ZCCHC17: variants seen among roughly 807,000 people sequenced by gnomAD.
ZCCHC17 encodes the protein zinc finger CCHC domain-containing protein 17.
Under a neutral mutation model 30.6 loss-of-function variants are expected in ZCCHC17, and 18 were observed. The ratio of observed to expected loss-of-function variants is 0.59; its 90% confidence interval spans 0.41 to 0.87. The LOEUF is 0.87. Ranked by LOEUF, ZCCHC17 falls within the 40% of genes least tolerant of loss-of-function variation. ZCCHC17 has a pLI of 0.00. For missense variants in ZCCHC17, 263 were observed against 284.2 expected (o/e 0.93, Z 0.54); for synonymous variants, 88 against 92.4 (o/e 0.95, Z 0.27).
intron 7 of ZCCHC17, among the ~76,000 whole-genome samples, chr1:31,351,220 T>A (rs1639458162): frequency 6.6e-6 from 1 of 152,186 alleles, no homozygotes; most frequent in Non-Finnish European, 1.5e-5. Context: ...CCTCTCCTTT[T>A]CCATCCCACA....
chr1:31,350,923 G>A lies in ZCCHC17; in HGVS notation c.564+1949G>A, dbSNP rs116108137. Among the ~76,000 whole-genome samples, 1,116 of 152,210 alleles carry A rather than the reference G, an allele frequency of 7.3e-3. 13 individuals are homozygous for A. The highest frequency in any genetic ancestry group is 0.025 in the African/African-American group (1,041 of 41,554). Reference sequence around the variant, plus strand: ...GGCAAACTTCCGTTTTTTCATTTTCGAAGTGGGATTGTTGTGATCTTTGAT... The same window carrying A: ...GGCAAACTTCCGTTTTTTCATTTTCAAAGTGGGATTGTTGTGATCTTTGAT... On this transcript the variant is annotated intron_variant, in intron 7 of 7. Transcript: ENST00000344147.
At chr1:31,352,500 T>C (rs1419461970) in intron 7 of ZCCHC17, among the ~76,000 whole-genome samples, 1 of 152,242 alleles carries the variant, frequency 6.6e-6, no homozygotes, top group Non-Finnish European at 1.5e-5. Context: ...TATTTATTTT[T>C]TGAAGCAGGG....
At chr1:31,302,344 A>G (rs973232126) in intron 1 of ZCCHC17, among the ~76,000 whole-genome samples, 12 of 152,128 alleles carry the variant, frequency 7.9e-5, no homozygotes, top group African/African-American at 2.9e-4. Flanking sequence ...CTCTTTCTCT[A>G]CCTGTGCTTG....
At chr1:31,299,016 CAT>C (rs1467568955) in intron 1 of ZCCHC17, among the ~76,000 whole-genome samples, 1 of 152,186 alleles carries the variant, frequency 6.6e-6, no homozygotes, top group Admixed American at 6.5e-5. Context: ...GATTGAAAAA[CAT>C]ATTTTGGCTT....
intron 3 of ZCCHC17, 96 bp from the exon 4 acceptor site, chr1:31,337,079 C>A: frequency 8.6e-7 from 1 of 1,159,708 alleles, no homozygotes; most frequent in Non-Finnish European, 1.2e-6. Flanking sequence ...TTTCATTTTT[C>A]CCTTGCATTC....
At chr1:31,326,197 A>G (rs765502425) in intron 3 of ZCCHC17, among the ~76,000 whole-genome samples, 2 of 152,078 alleles carry the variant, frequency 1.3e-5, no homozygotes, top group Non-Finnish European at 2.9e-5. Flanking sequence ...ACAGATTAAC[A>G]ATGGTCACTT....
At chr1:31,302,853 A>G (rs1207846692) in intron 1 of ZCCHC17, among the ~76,000 whole-genome samples, 6 of 152,220 alleles carry the variant, frequency 3.9e-5, no homozygotes, top group Non-Finnish European at 5.9e-5. Context: ...GGAAACTGCC[A>G]TGATCCAGTC....
chr1:31,359,521 A>G (rs1639783945), intron 7 of ZCCHC17, among the ~76,000 whole-genome samples: 2 of 152,140 alleles, frequency 1.3e-5, no homozygotes, highest in Admixed American at 1.3e-4. Flanking sequence ...GCAAGACTCC[A>G]TCCTAAAAAT....
intron 2 of ZCCHC17, among the ~76,000 whole-genome samples, chr1:31,314,601 A>G (rs1006291209): frequency 6.6e-6 from 1 of 152,230 alleles, no homozygotes; most frequent in African/African-American, 2.4e-5. Flanking sequence ...TGGCAAAGCT[A>G]GGATTCTAAA....
intron 3 of ZCCHC17, among the ~76,000 whole-genome samples, chr1:31,319,766 T>G (rs1251361377): frequency 6.6e-6 from 1 of 152,172 alleles, no homozygotes; most frequent in Non-Finnish European, 1.5e-5. Flanking sequence ...ATCCTTCTGA[T>G]TCCTAGCCCC....
chr1:31,318,684 A>G (rs1241946041), intron 2 of ZCCHC17, among the ~76,000 whole-genome samples: 2 of 152,136 alleles, frequency 1.3e-5, no homozygotes, highest in Non-Finnish European at 2.9e-5. Flanking sequence ...AAATTTATTA[A>G]AGTTCTCTGT....
chr1:31,331,660 G>A (rs113110596), intron 3 of ZCCHC17, among the ~76,000 whole-genome samples: 2 of 151,678 alleles, frequency 1.3e-5, no homozygotes, highest in African/African-American at 4.9e-5. Context: ...TTGCCGGGCT[G>A]GAATGCAATG....
At chr1:31,298,425 G>A (rs767878631) in intron 1 of ZCCHC17, among the ~76,000 whole-genome samples, 6 of 147,256 alleles carry the variant, frequency 4.1e-5, no homozygotes, top group Admixed American at 6.8e-5. Context: ...TTGCTCTGTC[G>A]CCCAGGCTGG....
chr1:31,328,737 C>T (rs982701322), intron 3 of ZCCHC17, among the ~76,000 whole-genome samples: 1 of 152,072 alleles, frequency 6.6e-6, no homozygotes, highest in Non-Finnish European at 1.5e-5. Context: ...GTATGCCACC[C>T]TCCCAGCACT....
chr1:31,335,959 G>T (rs1033073847), intron 3 of ZCCHC17, among the ~76,000 whole-genome samples: 1 of 151,998 alleles, frequency 6.6e-6, no homozygotes, highest in African/African-American at 2.4e-5. Flanking sequence ...TACTATGTTT[G>T]CCATGCTGTT....
rs74355404 is a variant in ZCCHC17 at position 31,299,761 on chromosome 1, C to T, written c.-56+2686C>T. On this transcript the variant is annotated intron_variant, in intron 1 of 7. Coordinates refer to ENST00000344147, the MANE Select transcript of ZCCHC17 (RefSeq NM_016505.4). Reference sequence around the variant, plus strand: ...CTGCTTAAGTGGGTTCTGTTGTCTGCAACTGTCCCTGACCAGGTTAGAGGT... The same window carrying T: ...CTGCTTAAGTGGGTTCTGTTGTCTGTAACTGTCCCTGACCAGGTTAGAGGT... 5.9e-3 allele frequency among the ~76,000 whole-genome samples: 894 copies of T among 152,232 alleles called. 72 individuals are homozygous for T. In the East Asian group the frequency reaches 0.15, roughly 25 times the overall value.
Position 31,334,415 on chromosome 1 carries a change from A to G in ZCCHC17, c.125-2760A>G, listed in dbSNP as rs79695168. Among the ~76,000 whole-genome samples, 1,047 of 150,914 alleles carry G rather than the reference A, an allele frequency of 6.9e-3. 13 individuals carry two copies. The highest frequency in any genetic ancestry group is 0.024 in the African/African-American group (976 of 40,966). ...AAAGAGAGAGTGGGAGAATGAGAATAGAGGTGGATAAATTTCCCAAGCAAC... is the reference window on the plus strand; with the variant it reads ...AAAGAGAGAGTGGGAGAATGAGAATGGAGGTGGATAAATTTCCCAAGCAAC... On this transcript the variant is annotated intron_variant, in intron 3 of 7. Coordinates refer to ENST00000344147, the MANE Select transcript of ZCCHC17 (RefSeq NM_016505.4).
intron 5 of ZCCHC17, among the ~76,000 whole-genome samples, chr1:31,344,399 C>A (rs1639164447): frequency 6.6e-6 from 1 of 152,208 alleles, no homozygotes; most frequent in African/African-American, 2.4e-5. Context: ...AGAAAAGAAT[C>A]ATGTTTTGTT....
intron 1 of ZCCHC17, among the ~76,000 whole-genome samples, chr1:31,304,524 TC>T (rs1409276200): frequency 6.6e-6 from 1 of 152,036 alleles, no homozygotes; most frequent in African/African-American, 2.4e-5. Flanking sequence ...GCTCTAGTGA[TC>T]CACCCGCCAT....
Sources: allele counts gnomAD v4.1 joint callset (sites outside exome capture counted in the v4.1 genomes callset), GRCh38; gene constraint gnomAD v4.1.1; transcripts MANE v1.5; gene names NCBI Gene and HGNC (gene_info 2026-07-23, HGNC 2026-07-21).